SYT8: variants seen among roughly 807,000 people sequenced by gnomAD.
SYT8 encodes the protein synaptotagmin-8.
In SYT8, 50 loss-of-function variants were observed where a neutral mutation model predicts 34.9. The observed-to-expected ratio is 1.43, with a 90% CI of 1.14 to 1.81. SYT8 has a LOEUF of 1.81. Among genes scored for constraint, SYT8 ranks in the 40% most tolerant of loss-of-function variants. The pLI is 0.00. For synonymous variants in SYT8, 255 were observed against 234.2 expected (o/e 1.09, Z -0.81); for missense variants, 595 against 529.0 (o/e 1.12, Z -1.22).
chr11:1,835,405 G>T lies in SYT8; in HGVS notation c.204G>T (p.Arg68Ser). 1 of 1,609,642 alleles carries T rather than the reference G, an allele frequency of 6.2e-7. No individual in the cohort carries two copies. ...GCCGCCGCCACAGGAAGAAGCCCAG[G>T]GACAAGGAGTCCGTGGGTCTGGGCA... ...CCCRRHRKKP[R>S]DKESVGLGSA... The change falls in exon 2 of 8, where the codon AGG (arginine) becomes AGT (serine). Residue 68 changes from arginine (R) to serine (S), a missense_variant. Coordinates refer to ENST00000341958, the MANE Select transcript of SYT8 (RefSeq NM_001394072.1).
upstream of SYT8, chr11:1,834,517 G>A (rs1169793855): frequency 1.8e-5 from 27 of 1,515,898 alleles, no homozygotes; most frequent in Middle Eastern, 2.1e-4. The surrounding 1 kb of genome is among the most constrained non-coding windows in gnomAD (Gnocchi z 4.5). Context: ...TGCTCCTCCC[G>A]CCATGACCCT....
chr11:1,836,657 A>G (rs1828686106), intron 5 of SYT8, 65 bp downstream of exon 5: 2 of 1,594,316 alleles, frequency 1.3e-6, no homozygotes, highest in Non-Finnish European at 8.5e-7. Context: ...CCTATGGGCC[A>G]TCGGAAAGAC....
At chr11:1,835,249 G>A (rs1293365272) in intron 1 of SYT8, 47 bp from the exon 2 acceptor site, 9 of 1,606,830 alleles carry the variant, frequency 5.6e-6, no homozygotes, top group Non-Finnish European at 7.7e-6. Context: ...CAGCCAAGTG[G>A]GGGCTGCAGC....
At chr11:1,834,148 C>A, upstream of SYT8, 1 of 236,650 alleles carries the variant, frequency 4.2e-6, no homozygotes, top group Non-Finnish European at 8.3e-6. The surrounding 1 kb of genome is among the most constrained non-coding windows in gnomAD (Gnocchi z 4.5). Flanking sequence ...TCACCCTGGG[C>A]CTGGGGTCAC....
chr11:1,834,307 A>T, upstream of SYT8: 1 of 543,710 alleles, frequency 1.8e-6, no homozygotes, highest in Non-Finnish European at 3.2e-6. The surrounding 1 kb of genome is among the most constrained non-coding windows in gnomAD (Gnocchi z 4.5). Flanking sequence ...CACATGCCGA[A>T]GGGTGGCCAG....
At position 1,835,882 on chromosome 11, in the gene SYT8, C is replaced by A. The variant is rs907606; in HGVS notation, c.259-4C>A. The A allele has an allele frequency of 0.42, 671,448 of 1,610,524 alleles. 145,522 individuals are homozygous for A. The highest frequency in any genetic ancestry group is 0.45 in the Non-Finnish European group (524,875 of 1,178,228). On this transcript the variant is annotated splice_region_variant and splice_polypyrimidine_tract_variant and intron_variant, in intron 2 of 7. Transcript: ENST00000341958. Reference sequence around the variant, plus strand: ...CACCTGCCCCTTGTCCCAACTCACTCCAGGTGCAACCTGATGTGGATGGCC... The same window carrying A: ...CACCTGCCCCTTGTCCCAACTCACTACAGGTGCAACCTGATGTGGATGGCC...
At chr11:1,831,988 C>A, upstream of SYT8, 1 of 354,238 alleles carries the variant, frequency 2.8e-6, no homozygotes, top group Non-Finnish European at 5.7e-6. Context: ...GGTGTTCCCA[C>A]GGAAGCAGAA....
At chr11:1,832,251 G>A (rs1846693287), upstream of SYT8, among the ~76,000 whole-genome samples, 1 of 152,154 alleles carries the variant, frequency 6.6e-6, no homozygotes, top group African/African-American at 2.4e-5. Flanking sequence ...GATGCGGAGA[G>A]GCCTTCTAAG....
chr11:1,834,399 T>G (rs927380511), upstream of SYT8: 34 of 666,198 alleles, frequency 5.1e-5, no homozygotes, highest in African/African-American at 5.6e-4. This position sits in a 1 kb window ranked among gnomAD's most constrained non-coding sequence, Gnocchi z 4.5. Flanking sequence ...ACCCTGCCCC[T>G]ACCTGCCACC....
rs769119263 is a variant in SYT8, at chr11:1,837,035, C to A, written c.869C>A (p.Ala290Glu). The A allele has an allele frequency of 6.2e-7, 1 of 1,613,688 alleles. No homozygotes were observed. Among genetic ancestry groups the A allele is most frequent in the African/African-American group, 1.3e-5 (1 of 74,954 alleles). Reference protein sequence around the residue: ...KRKTATKKGTAAPYFNEAFTF... With the variant: ...KRKTATKKGTEAPYFNEAFTF... Reference sequence around the variant, plus strand: ...AAGACAGCCACCAAAAAGGGCACGGCGGCCCCCTACTTCAATGAGGCCTTC... The same window carrying A: ...AAGACAGCCACCAAAAAGGGCACGGAGGCCCCCTACTTCAATGAGGCCTTC... Residue 290 changes from alanine (A) to glutamate (E), a missense_variant, in exon 7 of 8, where the codon GCG becomes GAG. By Grantham distance (107) the Ala-to-Glu change is moderately radical (BLOSUM62 -1). Coordinates refer to ENST00000341958, the MANE Select transcript of SYT8 (RefSeq NM_001394072.1).
rs759766266 is a variant in SYT8 at position 1,835,069 on chromosome 11, T to C, written c.-37T>C. On this transcript the variant is annotated 5_prime_UTR_variant, in exon 1 of 8. Transcript: ENST00000341958. ...GGCCACCCTCCCAGCTGACCCAGCC[T>C]CCTGGGCCGCTTCTTCCAAACCAGC... 1 of 1,609,030 alleles carries C rather than the reference T, an allele frequency of 6.2e-7. No homozygotes were observed. The highest frequency in any genetic ancestry group is 1.7e-5 in the Admixed American group (1 of 59,910).
upstream of SYT8, chr11:1,833,870 T>G: frequency 6.8e-6 from 1 of 146,064 alleles, no homozygotes; most frequent in Non-Finnish European, 1.5e-5. Flanking sequence ...GTGTCTGGAG[T>G]CATGGCAGGG....
chr11:1,835,509 G>A, intron 2 of SYT8, 50 bp downstream of exon 2: 1 of 1,598,812 alleles, frequency 6.3e-7, no homozygotes, highest in Non-Finnish European at 8.5e-7. Context: ...TTGAAATCCA[G>A]GCTCCAGAGC....
chr11:1,832,019 C>T, upstream of SYT8: 1 of 340,926 alleles, frequency 2.9e-6, no homozygotes, highest in Non-Finnish European at 5.9e-6. Context: ...ATAGACTCAC[C>T]CTGGAGGGAA....
At position 1,836,240 on chromosome 11, in the gene SYT8, C is replaced by T. The variant is rs755393647; in HGVS notation, c.472C>T (p.Arg158Ter). ...ACACAGACATGAGACAAAAGTGCAC[C>T]GAGGCACGCTCTGCCCCGTGTTTGA... ...AGHRHETKVH[R>*]GTLCPVFDET... Residue 158 changes from arginine to a stop codon, truncating the protein, a stop_gained, in exon 4 of 8, where the codon CGA becomes TGA. Transcript: ENST00000341958. LOFTEE classifies it high-confidence loss of function. The T allele has an allele frequency of 2.0e-5, 32 of 1,590,050 alleles. No homozygotes were observed. In the Admixed American group the frequency reaches 3.9e-4, roughly 19 times the overall value.
rs761261100 is a variant in SYT8, at chr11:1,836,230, A to C, written c.462A>C (p.Thr154=). Residue 154 remains threonine, a synonymous_variant, in exon 4 of 8, where the codon ACA becomes ACC. Transcript: ENST00000341958. ...VSTQAGHRHE[T]KVHRGTLCPV... is the part of the protein sequence containing the mutation. ...CCCAGGCCGGACACAGACATGAGAC[A>C]AAAGTGCACCGAGGCACGCTCTGCC... The C allele has an allele frequency of 3.8e-6, 6 of 1,594,596 alleles. No individual in the cohort carries two copies. In the Admixed American group the frequency reaches 1.0e-4, roughly 28 times the overall value.
At position 1,836,484 on chromosome 11, in the gene SYT8, CT is replaced by C. The variant is rs758840167; in HGVS notation, c.578del (p.Phe193SerfsTer56). ...LQVQLFNFKR[F>X]SGHEPLGELR... ...AGGTGCAGCTTTTCAACTTCAAGCGCTTCTCGGGGCATGAGCCCCTGGGTGA... is the reference window on the plus strand; with the variant it reads ...AGGTGCAGCTTTTCAACTTCAAGCGCTCTCGGGGCATGAGCCCCTGGGTGA... On this transcript the variant is annotated frameshift_variant, in exon 5 of 8. Coordinates refer to ENST00000341958, the MANE Select transcript of SYT8 (RefSeq NM_001394072.1). LOFTEE classifies it high-confidence loss of function. 3 of 1,611,704 alleles carry C rather than the reference CT, an allele frequency of 1.9e-6. No individual in the cohort carries two copies. The South Asian group carries it at 3.3e-5, about 18-fold the overall frequency.
At position 1,837,246 on chromosome 11, in the gene SYT8, C is replaced by T; in HGVS notation, c.979C>T (p.Pro327Ser). ...CCGCAGCCTGCCGCTCCGAACTGAG[C>T]CCGTAGGCAAGGTGCACCTGGGTGC... is the stretch of plus-strand genomic sequence containing the variant. ...WDRSLPLRTE[P>S]VGKVHLGARA... The change falls in exon 8 of 8, where the codon CCC (proline) becomes TCC (serine). Residue 327 changes from proline to serine, a missense_variant. Transcript: ENST00000341958. The T allele has an allele frequency of 6.3e-7, 1 of 1,581,548 alleles. No individual in the cohort carries two copies. The highest frequency in any genetic ancestry group is 8.6e-7 in the Non-Finnish European group (1 of 1,166,878).
chr11:1,837,379 T>A lies in SYT8; in HGVS notation c.1112T>A (p.Met371Lys). ...CGGCCAGCCAGGGAGGTGGACCGCA[T>A]GCTGGCCCTGCAGCCCCGCCTTCGC... The part of the protein sequence containing the change: ...PLRPAREVDR[M>K]LALQPRLRLR... Residue 371 changes from methionine to lysine, a missense_variant, in exon 8 of 8, where the codon ATG becomes AAG. Physicochemically the swap from Met to Lys is moderately conservative, Grantham distance 95 (BLOSUM62 -1). Coordinates refer to ENST00000341958, the MANE Select transcript of SYT8 (RefSeq NM_001394072.1). The A allele has an allele frequency of 6.2e-7, 1 of 1,602,382 alleles. No homozygotes were observed. Among genetic ancestry groups the A allele is most frequent in the Non-Finnish European group, 8.5e-7 (1 of 1,179,172 alleles).
Sources: allele counts gnomAD v4.1 joint callset (sites outside exome capture counted in the v4.1 genomes callset), GRCh38; gene constraint gnomAD v4.1.1; non-coding constraint Gnocchi (gnomAD v3.1); transcripts MANE v1.5; gene names NCBI Gene and HGNC (gene_info 2026-07-23, HGNC 2026-07-21).